Variants in TANGO6 observed in about 807,000 individuals in gnomAD.
The protein encoded by TANGO6 is transport and golgi organization 6 homolog, also known as transport and Golgi organization protein 6 homolog.
In TANGO6, 90 loss-of-function variants were observed where a neutral mutation model predicts 114.2. The observed-to-expected ratio is 0.79, with a 90% CI of 0.66 to 0.94. TANGO6 has a LOEUF of 0.94. Among genes scored for constraint, TANGO6 ranks in the 40% least tolerant of loss-of-function variants. The pLI is 0.00. For missense variants in TANGO6, 1,274 were observed against 1,315.3 expected, an observed-to-expected ratio of 0.97 and a Z score of 0.49; for synonymous variants, 477 against 509.8, an observed-to-expected ratio of 0.94 and a Z score of 0.87.
At chr16:68,852,375 A>G (rs1387656968) in intron 1 of TANGO6, among the ~76,000 whole-genome samples, 1 of 152,166 alleles carries the variant, frequency 6.6e-6, no homozygotes, top group Non-Finnish European at 1.5e-5. Context: ...ATTATCAATT[A>G]CATTTTGATT....
At chr16:68,943,647 G>A (rs1233582722) in intron 14 of TANGO6, among the ~76,000 whole-genome samples, 5 of 152,082 alleles carry the variant, frequency 3.3e-5, no homozygotes, top group Non-Finnish European at 7.3e-5. Flanking sequence ...TTACAGGCGT[G>A]AGCCACCGCA....
chr16:68,927,856 C>G lies in TANGO6; in HGVS notation c.2416C>G (p.Gln806Glu), dbSNP rs370416619. ...ACAGCAGAGCCATGAGACAGCCCCC[C>G]AGACAGGCCTGCAGTCAAATGCTCC... is the stretch of plus-strand genomic sequence containing the variant. ...EQQQSHETAP[Q>E]TGLQSNAPII... Residue 806 changes from glutamine (Q) to glutamate (E), a missense_variant, in exon 13 of 18, where the codon CAG becomes GAG. Around this residue, in one of 5 missense-constraint regions of TANGO6, gnomAD observed 908 missense variants for 910.2 expected, o/e 1.00. Coordinates refer to ENST00000261778, the MANE Select transcript of TANGO6 (RefSeq NM_024562.2). 3 of 1,613,916 alleles carry G rather than the reference C, an allele frequency of 1.9e-6. No individual in the cohort carries two copies. Among genetic ancestry groups the G allele is most frequent in the Non-Finnish European group, 2.5e-6 (3 of 1,179,892 alleles).
intron 1 of TANGO6, among the ~76,000 whole-genome samples, chr16:68,852,179 C>A (rs1003882182): frequency 6.6e-6 from 1 of 152,084 alleles, no homozygotes; most frequent in East Asian, 1.9e-4. Flanking sequence ...CAAATCAATA[C>A]CCCTGTTTTC....
chr16:68,897,811 C>T (rs543774360), intron 7 of TANGO6, among the ~76,000 whole-genome samples: 12 of 152,074 alleles, frequency 7.9e-5, no homozygotes, highest in African/African-American at 2.7e-4. Context: ...CTCCTAACCT[C>T]AGGTGATCCA....
intron 13 of TANGO6, among the ~76,000 whole-genome samples, chr16:68,928,644 A>G (rs9926574): frequency 0.022 from 3,377 of 152,218 alleles, 132 homozygotes; most frequent in African/African-American, 0.077. Flanking sequence ...AGTCAGGAAA[A>G]AGAGAAAGTT....
At chr16:68,882,850 C>G (rs1056035777) in intron 7 of TANGO6, among the ~76,000 whole-genome samples, 1 of 152,024 alleles carries the variant, frequency 6.6e-6, no homozygotes, top group Non-Finnish European at 1.5e-5. Flanking sequence ...AACCCTGTCT[C>G]TACTAAAAAT....
At chr16:68,889,756 T>C (rs1464192482) in intron 7 of TANGO6, among the ~76,000 whole-genome samples, 1 of 152,226 alleles carries the variant, frequency 6.6e-6, no homozygotes. Flanking sequence ...GGCTCCAAAG[T>C]TGACTGTCCA....
At chr16:69,005,560 G>A (rs1322385765) in intron 15 of TANGO6, among the ~76,000 whole-genome samples, 1 of 152,170 alleles carries the variant, frequency 6.6e-6, no homozygotes, top group Non-Finnish European at 1.5e-5. Context: ...AATCCCAGGA[G>A]GCCAAGGCAG....
intron 6 of TANGO6, among the ~76,000 whole-genome samples, chr16:68,878,537 A>G (rs1962406643): frequency 6.6e-6 from 1 of 152,158 alleles, no homozygotes; most frequent in African/African-American, 2.4e-5. Context: ...ACATATAAAC[A>G]TGTCTTTTCT....
intron 15 of TANGO6, among the ~76,000 whole-genome samples, chr16:69,002,563 A>T (rs1252864889): frequency 6.6e-6 from 1 of 152,046 alleles, no homozygotes; most frequent in Non-Finnish European, 1.5e-5. Flanking sequence ...CTGTCATGTA[A>T]GACATGCCTC....
intron 17 of TANGO6, among the ~76,000 whole-genome samples, chr16:69,073,025 G>A (rs1597080413): frequency 6.6e-6 from 1 of 151,440 alleles, no homozygotes; most frequent in East Asian, 1.9e-4. Flanking sequence ...AGGAAGCCAG[G>A]AGAGCAGCCT....
intron 15 of TANGO6, among the ~76,000 whole-genome samples, chr16:69,020,488 G>A (rs1216001680): frequency 6.6e-6 from 1 of 152,226 alleles, no homozygotes; most frequent in Non-Finnish European, 1.5e-5. Context: ...ACAAAGTATT[G>A]TGAGACTTTC....
intron 15 of TANGO6, among the ~76,000 whole-genome samples, chr16:68,977,076 G>C (rs1436477786): frequency 1.3e-5 from 2 of 152,068 alleles, no homozygotes; most frequent in Non-Finnish European, 2.9e-5. Flanking sequence ...TGGAGGTGGG[G>C]TATCTTTTTG....
At chr16:68,889,178 G>A (rs1036153140) in intron 7 of TANGO6, among the ~76,000 whole-genome samples, 1 of 152,170 alleles carries the variant, frequency 6.6e-6, no homozygotes, top group Non-Finnish European at 1.5e-5. Flanking sequence ...TAAGTGGAAA[G>A]TACAGGGAGT....
At chr16:68,969,024 A>G (rs1360200222) in intron 14 of TANGO6, among the ~76,000 whole-genome samples, 1 of 152,100 alleles carries the variant, frequency 6.6e-6, no homozygotes, top group Non-Finnish European at 1.5e-5. Context: ...ACTGCCTCCA[A>G]AAAAAGTTCA....
At chr16:68,865,913 G>A (rs566910810) in intron 3 of TANGO6, among the ~76,000 whole-genome samples, 25 of 148,672 alleles carry the variant, frequency 1.7e-4, no homozygotes, top group African/African-American at 5.9e-4. Flanking sequence ...GCAAGACTCC[G>A]TCTCAAAAAA....
At chr16:68,849,606 A>T (rs1383148247) in intron 1 of TANGO6, among the ~76,000 whole-genome samples, 1 of 151,034 alleles carries the variant, frequency 6.6e-6, no homozygotes, top group African/African-American at 2.4e-5. Flanking sequence ...GGTGCAATGG[A>T]CTATGATTAT....
Position 68,868,591 on chromosome 16 carries a change from G to A in TANGO6, c.994+1371G>A, listed in dbSNP as rs558023665. On this transcript the variant is annotated intron_variant, in intron 4 of 17. Transcript: ENST00000261778. ...TGGCTCATTGCAACCTCCACCTCCC[G>A]GGTTCACTCCATTCTTCTGCCTCAG... Among the ~76,000 whole-genome samples the A allele has an allele frequency of 2.1e-5, 3 of 146,096 alleles. No homozygotes were observed. The South Asian group carries it at 6.5e-4, about 32-fold the overall frequency.
intron 9 of TANGO6, among the ~76,000 whole-genome samples, chr16:68,906,284 T>G (rs1323289612): frequency 6.6e-6 from 1 of 152,218 alleles, no homozygotes; most frequent in Non-Finnish European, 1.5e-5. Flanking sequence ...TACTCATTTT[T>G]CTGAACCTTT....
Sources: allele counts gnomAD v4.1 joint callset (sites outside exome capture counted in the v4.1 genomes callset), GRCh38; gene constraint gnomAD v4.1.1; regional missense constraint gnomAD v4.1.1; transcripts MANE v1.5; gene names NCBI Gene and HGNC (gene_info 2026-07-23, HGNC 2026-07-21).